The following NPHP3 variants were observed in gnomAD, a reference collection of about 807,000 sequenced individuals.
The protein encoded by NPHP3 is nephrocystin 3.
In NPHP3, 123 loss-of-function variants were observed where a neutral mutation model predicts 171.9. That is an observed-to-expected ratio of 0.72 (90% confidence interval 0.62 to 0.83). The LOEUF (loss-of-function observed/expected upper bound fraction) is 0.83. Among genes scored for constraint, NPHP3 ranks in the 40% least tolerant of loss-of-function variants. NPHP3 has a pLI of 0.00. For synonymous variants in NPHP3, 558 were observed against 579.2 expected, an observed-to-expected ratio of 0.96 and a Z score of 0.52; for missense variants, 1,506 against 1,591.9, an observed-to-expected ratio of 0.95 and a Z score of 0.92.
rs141353877 is a variant in NPHP3, at chr3:132,694,355, A to ATGTG, written c.2310+468_2310+471dup. ...ACTATAAAACTTTTTGAAGGAAATT[A>ATGTG]TGTGTGTGTGTGTGTGTGTGTGTTT... On this transcript the variant is annotated intron_variant, in intron 16 of 26. Transcript: ENST00000337331. 2.0e-3 allele frequency among the ~76,000 whole-genome samples: 291 copies of ATGTG among 144,010 alleles called. 3 individuals are homozygous for ATGTG. The highest frequency in any genetic ancestry group is 6.1e-4 in the Non-Finnish European group (41 of 66,878). The allele number at this position is 144,010 out of a possible 152,430, so 94.5% of individuals were successfully genotyped here.
chr3:132,694,720 G>T (rs1939400087), intron 16 of NPHP3, 107 bp downstream of exon 16: 1 of 1,288,590 alleles, frequency 7.8e-7, no homozygotes, highest in Non-Finnish European at 1.1e-6. Context: ...TCCTGCATAT[G>T]CCTGAAACAT....
At chr3:132,719,237 C>A in intron 2 of NPHP3, 93 bp from the exon 3 acceptor site, 1 of 1,001,562 alleles carries the variant, frequency 1.0e-6, no homozygotes, top group Non-Finnish European at 1.5e-6. Context: ...TTCATAAAAC[C>A]AATATTCATT....
chr3:132,698,807 CATTA>C (rs1213603605), intron 13 of NPHP3, among the ~76,000 whole-genome samples: 1 of 152,130 alleles, frequency 6.6e-6, no homozygotes, highest in Non-Finnish European at 1.5e-5. Context: ...CATGAAGCTA[CATTA>C]ATTAATTTCT....
At chr3:132,682,366 A>G (rs993962621) in intron 26 of NPHP3, 5 of 551,510 alleles carry the variant, frequency 9.1e-6, no homozygotes, top group East Asian at 3.2e-5. Flanking sequence ...CTGCATCCTG[A>G]GAAAAATACA....
rs1553773038 is a variant in NPHP3 at position 132,697,250 on chromosome 3, A to G, written c.2088+10T>C. ...GAGTAAAAGATTGCATCAAAATGAA[A>G]AATACACACCTGCTCTTTACTCAAT... On this transcript the variant is annotated intron_variant, in intron 14 of 26. Coordinates refer to ENST00000337331, the MANE Select transcript of NPHP3 (RefSeq NM_153240.5). 2 of 1,550,924 alleles carry G rather than the reference A, an allele frequency of 1.3e-6. No homozygotes were observed. Among genetic ancestry groups the G allele is most frequent in the Non-Finnish European group, 1.8e-6 (2 of 1,124,012 alleles).
chr3:132,720,644 G>A (rs1334342645), intron 1 of NPHP3, among the ~76,000 whole-genome samples: 1 of 151,962 alleles, frequency 6.6e-6, no homozygotes, highest in Non-Finnish European at 1.5e-5. Flanking sequence ...AGCTAATGAG[G>A]GAGTTTAAAA....
At chr3:132,684,372 C>T (rs779021116) in intron 24 of NPHP3, among the ~76,000 whole-genome samples, 182 bp downstream of exon 24, 11 of 151,998 alleles carry the variant, frequency 7.2e-5, no homozygotes, top group Non-Finnish European at 1.2e-4. Flanking sequence ...TCAATGTAAC[C>T]AGTTCAGTAT....
chr3:132,713,025 T>C (rs573442323), intron 6 of NPHP3, 101 bp downstream of exon 6: 6 of 570,176 alleles, frequency 1.1e-5, no homozygotes, highest in East Asian at 3.1e-5. Context: ...GATTTTTTTA[T>C]TATAAGGATG....
At chr3:132,691,058 T>C (rs1412954637) in intron 18 of NPHP3, 134 bp downstream of exon 18, 1 of 787,930 alleles carries the variant, frequency 1.3e-6, no homozygotes. Context: ...ATTAACAGAA[T>C]AGGGAGAGGA....
At chr3:132,693,717 C>CA in intron 16 of NPHP3, 1 of 151,850 alleles carries the variant, frequency 6.6e-6, no homozygotes, top group Non-Finnish European at 1.5e-5. Context: ...ACTAAAAATA[C>CA]AAAAAATAAG....
At chr3:132,687,363 T>C in intron 21 of NPHP3, 137 bp from the exon 22 acceptor site, 1 of 575,238 alleles carries the variant, frequency 1.7e-6, no homozygotes, top group Non-Finnish European at 3.1e-6. Flanking sequence ...ATGATAGTCA[T>C]GACATTAAGA....
intron 5 of NPHP3, among the ~76,000 whole-genome samples, chr3:132,713,758 A>G (rs1423548376): frequency 2.0e-5 from 3 of 152,250 alleles, no homozygotes; most frequent in Admixed American, 6.5e-5. Flanking sequence ...AATGATGACT[A>G]TTATTATGAA....
At position 132,700,064 on chromosome 3, in the gene NPHP3, A is replaced by G; in HGVS notation, c.1744-3T>C. On this transcript the variant is annotated splice_region_variant and splice_polypyrimidine_tract_variant and intron_variant, in intron 11 of 26. Transcript: ENST00000337331. The stretch of plus-strand genomic sequence containing the variant: ...ACTGACCAAGAGTGCTGCATCAACT[A>G]CAAGATAAGAACACACACAAACTGA... The G allele has an allele frequency of 2.5e-6, 4 of 1,614,102 alleles. No homozygotes were observed. Among genetic ancestry groups the G allele is most frequent in the South Asian group, 1.1e-5 (1 of 91,082 alleles).
chr3:132,688,742 C>T lies in NPHP3; in HGVS notation c.3033G>A (p.Ala1011=), dbSNP rs761297241. Residue 1011 remains alanine, a synonymous_variant, in exon 21 of 27, where the codon GCG becomes GCA. Coordinates refer to ENST00000337331, the MANE Select transcript of NPHP3 (RefSeq NM_153240.5). The stretch of plus-strand genomic sequence containing the variant: ...CATAAGCATTTTCTGAGATTTCCAA[C>T]GCCTGTTTATACAGTTGTTCTGCAT... ...FGNAEQLYKQ[A]LEISENAYGA... The T allele has an allele frequency of 5.6e-6, 9 of 1,614,110 alleles. No individual in the cohort carries two copies. The highest frequency in any genetic ancestry group is 2.2e-5 in the South Asian group (2 of 91,078).
chr3:132,686,598 A>T (rs1453645811), intron 22 of NPHP3, among the ~76,000 whole-genome samples: 1 of 152,214 alleles, frequency 6.6e-6, no homozygotes. Context: ...AAACTATTTC[A>T]TGAAAATGAT....
chr3:132,696,815 T>C lies in NPHP3; in HGVS notation c.2089-2A>G. ...ACAGTGTCGTTCTAGCTTCTTCTCC[T>C]GCACCAGTTTACCAAGAAAAACAAA... On this transcript the variant is annotated splice_acceptor_variant, in intron 14 of 26. Coordinates refer to ENST00000337331, the MANE Select transcript of NPHP3 (RefSeq NM_153240.5). LOFTEE classifies it high-confidence loss of function. 1 of 1,612,926 alleles carries C rather than the reference T, an allele frequency of 6.2e-7. No homozygotes were observed.
Position 132,699,928 on chromosome 3 carries a change from T to C in NPHP3, c.1877A>G (p.Asp626Gly). ...GSIIIVIDSIDQVQQVEKHMK... is the reference protein window; with the variant it reads ...GSIIIVIDSIGQVQQVEKHMK... ...AATGGAAAACGGTACCTGAACTTGA[T>C]CTATAGAATCAATAACGATGATGAT... Residue 626 changes from aspartate (D) to glycine (G), a missense_variant, in exon 12 of 27, where the codon GAT (aspartate) becomes GGT (glycine). Physicochemically the swap from Asp to Gly is moderately conservative, Grantham distance 94. Coordinates refer to ENST00000337331, the MANE Select transcript of NPHP3 (RefSeq NM_153240.5). 6.2e-7 allele frequency: 1 copy of C among 1,614,138 alleles called. No individual in the cohort carries two copies. Among genetic ancestry groups the C allele is most frequent in the Non-Finnish European group, 8.5e-7 (1 of 1,180,024 alleles).
At chr3:132,691,941 C>T (rs971473503) in intron 17 of NPHP3, among the ~76,000 whole-genome samples, 2 of 152,190 alleles carry the variant, frequency 1.3e-5, no homozygotes, top group Admixed American at 6.5e-5. Flanking sequence ...ACTCTTAATA[C>T]ATATACAGTC....
At chr3:132,703,999 G>A (rs1047820207) in intron 9 of NPHP3, among the ~76,000 whole-genome samples, 199 bp downstream of exon 9, 10 of 152,036 alleles carry the variant, frequency 6.6e-5, no homozygotes, top group South Asian at 4.1e-4. Flanking sequence ...AAAAATGTTC[G>A]GTCTTTATAA....
Sources: gnomAD v4.1 joint callset for allele counts (sites outside exome capture counted in the v4.1 genomes callset) on GRCh38, gnomAD v4.1.1 for gene constraint, MANE v1.5 for transcripts, NCBI Gene and HGNC (gene_info 2026-07-23, HGNC 2026-07-21) for gene names.